The following LPA variants were observed in gnomAD, a reference collection of about 807,000 sequenced individuals.
LPA encodes apolipoprotein(a).
In LPA, 199 loss-of-function variants were observed where a neutral mutation model predicts 197.9. The ratio of observed to expected loss-of-function variants is 1.01; its 90% CI spans 0.90 to 1.13. The LOEUF is 1.13. Among genes scored for constraint, LPA ranks in the 50% most tolerant of loss-of-function variants. The pLI is 0.00. For missense variants in LPA, 1,853 were observed against 1,785.8 expected (o/e 1.04, Z -0.68); for synonymous variants, 715 against 639.5 (o/e 1.12, Z -1.78).
At chr6:160,578,426 A>G (rs948545811) in intron 27 of LPA, 97 bp downstream of exon 27, 6 of 1,492,410 alleles carry the variant, frequency 4.0e-6, no homozygotes, top group Non-Finnish European at 5.6e-6. Context: ...CAGACCCTCA[A>G]CCAACCCTCC....
At chr6:160,549,525 C>A (rs1304990640) in intron 30 of LPA, among the ~76,000 whole-genome samples, 1 of 152,132 alleles carries the variant, frequency 6.6e-6, no homozygotes, top group Non-Finnish European at 1.5e-5. Flanking sequence ...GGAGGAAATG[C>A]CATCCAAGAT....
At chr6:160,584,215 CTT>C (rs1778855374) in intron 26 of LPA, among the ~76,000 whole-genome samples, 16 of 125,148 alleles carry the variant, frequency 1.3e-4, no homozygotes, top group African/African-American at 2.4e-4. Flanking sequence ...TCTTCTTCTT[CTT>C]CTTCTTCTTC....
In LPA at chr6:160,544,774, T is replaced by C. The variant is rs181092366; in HGVS notation, c.5398+666A>G. Among the ~76,000 whole-genome samples, 99 of 152,240 alleles carry C rather than the reference T, an allele frequency of 6.5e-4. 2 individuals carry two copies. The highest frequency in any genetic ancestry group is 2.0e-3 in the Admixed American group (30 of 15,290). ...GGGAACAAGTACAAGTGGCTTTTTT[T>C]CCCCCATGGATTTGTTACCCCAATC... On this transcript the variant is annotated intron_variant, in intron 33 of 38. Coordinates refer to ENST00000316300, the MANE Select transcript of LPA (RefSeq NM_005577.4).
intron 8 of LPA, among the ~76,000 whole-genome samples, chr6:160,631,743 AT>A (rs1383573947): frequency 1.3e-5 from 2 of 150,624 alleles, no homozygotes; most frequent in African/African-American, 2.4e-5. Context: ...CGATTCTGTG[AT>A]TTTTTTTAAT....
intron 27 of LPA, among the ~76,000 whole-genome samples, chr6:160,578,303 G>A (rs1009120364): frequency 6.6e-6 from 1 of 152,110 alleles, no homozygotes; most frequent in East Asian, 1.9e-4. Context: ...TGGCGGGTCT[G>A]TGCCCTTCCT....
At chr6:160,587,758 T>TGC (rs1262764031) in intron 24 of LPA, among the ~76,000 whole-genome samples, 5 of 96,140 alleles carry the variant, frequency 5.2e-5, no homozygotes, top group Non-Finnish European at 9.9e-5. Context: ...TCTTTGTGTG[T>TGC]GTGTGTGTGT....
chr6:160,590,959 C>A lies in LPA; in HGVS notation c.3772G>T (p.Ala1258Ser), dbSNP rs745677536. 2.0e-5 allele frequency: 33 copies of A among 1,613,974 alleles called. No homozygotes were observed. In the South Asian group the frequency reaches 3.4e-4, roughly 17 times the overall value. The change falls in exon 23 of 39, where the codon GCT becomes TCT. Residue 1258 changes from alanine to serine, a missense_variant. Ala to Ser is a moderately conservative substitution (Grantham distance 99). Coordinates refer to ENST00000316300, the MANE Select transcript of LPA (RefSeq NM_005577.4). ...GACTTCTTACCTTGTTCAGAAACAGCCGTGGACGTCGCAAGGACACTTGAT... is the reference window on the plus strand; with the variant it reads ...GACTTCTTACCTTGTTCAGAAACAGACGTGGACGTCGCAAGGACACTTGAT... ...TESSVLATST[A>S]VSEQAPTEQS...
chr6:160,584,732 T>G (rs1396508134), intron 26 of LPA, among the ~76,000 whole-genome samples: 2 of 152,174 alleles, frequency 1.3e-5, no homozygotes, highest in African/African-American at 4.8e-5. Flanking sequence ...AAAGACTGCA[T>G]GGACCTTTAG....
intron 17 of LPA, among the ~76,000 whole-genome samples, chr6:160,605,601 T>A (rs1779333010): frequency 6.6e-6 from 1 of 152,050 alleles, no homozygotes; most frequent in Admixed American, 6.5e-5. Context: ...CATTTGGGGG[T>A]ACAGGCCATA....
chr6:160,555,712 T>C (rs1432370196), intron 30 of LPA, among the ~76,000 whole-genome samples: 1 of 151,730 alleles, frequency 6.6e-6, no homozygotes, highest in Non-Finnish European at 1.5e-5. Context: ...GGTGAAAGAG[T>C]GCATTGATCT....
chr6:160,657,517 G>C (rs1327086140), intron 1 of LPA, among the ~76,000 whole-genome samples: 1 of 150,760 alleles, frequency 6.6e-6, no homozygotes, highest in Non-Finnish European at 1.5e-5. Flanking sequence ...TCTTGCCTCA[G>C]CCTCCCAAGT....
chr6:160,576,058 C>T (rs1778652693), intron 28 of LPA, among the ~76,000 whole-genome samples: 1 of 151,938 alleles, frequency 6.6e-6, no homozygotes, highest in African/African-American at 2.4e-5. Flanking sequence ...CATTTGTTTT[C>T]TGTTCTAAAT....
In LPA at chr6:160,650,391, C is replaced by A. The variant is rs1779981806; in HGVS notation, c.156G>T (p.Trp52Cys). 5.0e-6 allele frequency: 8 copies of A among 1,613,868 alleles called. No individual in the cohort carries two copies. Among genetic ancestry groups the A allele is most frequent in the Non-Finnish European group, 5.9e-6 (7 of 1,179,840 alleles). ...TTVTGRTCQA[W>C]SSMTPHQHNR... ...TATGTTGATGTGGTGTCATAGATGACCAAGCTTGGCAGGTCCTTCCTGTGA... is the reference window on the plus strand; with the variant it reads ...TATGTTGATGTGGTGTCATAGATGAACAAGCTTGGCAGGTCCTTCCTGTGA... The change falls in exon 2 of 39, where the codon TGG becomes TGT. Residue 52 changes from tryptophan (W) to cysteine (C), a missense_variant. By Grantham distance (215) the Trp-to-Cys change is radical. Around this residue, in one of 3 missense-constraint regions of LPA, gnomAD observed 88 missense variants for 83.0 expected, o/e 1.06. Coordinates refer to ENST00000316300, the MANE Select transcript of LPA (RefSeq NM_005577.4).
intron 22 of LPA, among the ~76,000 whole-genome samples, chr6:160,592,533 A>G (rs1779049292): frequency 6.6e-6 from 1 of 152,022 alleles, no homozygotes; most frequent in Admixed American, 6.6e-5. Context: ...TTCTGGGCCT[A>G]TTTGTGTTGA....
chr6:160,611,535 C>T (rs1189721510), intron 16 of LPA, 27 bp downstream of exon 16: 2 of 1,607,186 alleles, frequency 1.2e-6, no homozygotes, highest in Non-Finnish European at 1.7e-6. Context: ...GCCCTTTATT[C>T]TCTTATGGTA....
intron 2 of LPA, among the ~76,000 whole-genome samples, chr6:160,646,598 C>T (rs1441936069): frequency 4.7e-5 from 4 of 84,926 alleles, no homozygotes; most frequent in African/African-American, 2.0e-4. Context: ...TAGATTATTA[C>T]TATTTTTTTT....
chr6:160,571,289 G>C (rs984019224), intron 28 of LPA, among the ~76,000 whole-genome samples: 1 of 152,094 alleles, frequency 6.6e-6, no homozygotes, highest in African/African-American at 2.4e-5. Context: ...AAGGTTCTTA[G>C]CTTCCTTGCA....
intron 8 of LPA, among the ~76,000 whole-genome samples, chr6:160,633,314 C>G (rs1407098507): frequency 1.7e-5 from 2 of 115,434 alleles, no homozygotes; most frequent in East Asian, 5.1e-4. Flanking sequence ...GATATAGAAA[C>G]AGATCAATTC....
At position 160,606,581 on chromosome 6, in the gene LPA, C is replaced by T. The variant is rs531853836; in HGVS notation, c.2681G>A (p.Arg894Lys). Residue 894 changes from arginine to lysine, a missense_variant, in exon 17 of 39, where the codon AGG (arginine) becomes AAG (lysine). By Grantham distance (26) the Arg-to-Lys change is conservative. Around this residue, in one of 3 missense-constraint regions of LPA, gnomAD observed 1,737 missense variants for 1,504.4 expected, o/e 1.15. Transcript: ENST00000316300. ...PYCYTRDPSV[R>K]WEYCNLTQCS... ...TTGTGTCAGGTTGCAGTACTCCCAC[C>T]TGACACTGGGATCCCTCGTATAACA... The T allele has an allele frequency of 9.9e-6, 16 of 1,613,938 alleles. No homozygotes were observed. The East Asian group carries it at 1.6e-4, about 16-fold the overall frequency.
Sources: allele counts gnomAD v4.1 joint callset (sites outside exome capture counted in the v4.1 genomes callset), GRCh38; gene constraint gnomAD v4.1.1; regional missense constraint gnomAD v4.1.1; transcripts MANE v1.5; gene names NCBI Gene and HGNC (gene_info 2026-07-23, HGNC 2026-07-21).